The following ANKRD17 variants were observed in gnomAD, a reference collection of about 807,000 sequenced individuals.
ANKRD17 encodes the protein ankyrin repeat domain-containing protein 17.
A neutral mutation model predicts 229.7 loss-of-function variants in ANKRD17; 19 were observed. The observed-to-expected ratio is 0.08, with a 90% confidence interval of 0.06 to 0.12. The LOEUF is 0.12. ANKRD17 is among the 10% of genes least tolerant of loss of function. ANKRD17 has a pLI of 1.00. For synonymous variants in ANKRD17, 1,112 were observed against 1,146.1 expected, an observed-to-expected ratio of 0.97 and a Z score of 0.60; for missense variants, 2,176 against 3,176.8, an observed-to-expected ratio of 0.68 and a Z score of 7.57.
At chr4:73,144,428 G>A (rs1273568070) in intron 11 of ANKRD17, among the ~76,000 whole-genome samples, 2 of 152,158 alleles carry the variant, frequency 1.3e-5, no homozygotes, top group Admixed American at 1.3e-4. Flanking sequence ...TAAAATTCCA[G>A]GTTTCAAGAA....
chr4:73,171,994 G>C (rs1734100247), intron 2 of ANKRD17, among the ~76,000 whole-genome samples: 1 of 152,152 alleles, frequency 6.6e-6, no homozygotes, highest in Admixed American at 6.5e-5. Context: ...GATAGGGGTA[G>C]AAAGTTTATA....
chr4:73,253,550 C>A (rs547785322), intron 1 of ANKRD17, among the ~76,000 whole-genome samples: 10 of 152,230 alleles, frequency 6.6e-5, no homozygotes, highest in Admixed American at 2.0e-4. Context: ...GAGGAAATTG[C>A]AGTAGAGATT....
intron 3 of ANKRD17, among the ~76,000 whole-genome samples, chr4:73,157,864 C>T (rs867677888): frequency 3.4e-4 from 51 of 152,050 alleles, no homozygotes; most frequent in African/African-American, 1.2e-3. Flanking sequence ...CCGAGGCGGG[C>T]GGATCATGAG....
At chr4:73,088,567 C>G (rs1441363011) in intron 29 of ANKRD17, among the ~76,000 whole-genome samples, 1 of 152,120 alleles carries the variant, frequency 6.6e-6, no homozygotes, top group Non-Finnish European at 1.5e-5. Flanking sequence ...ATTCCAACTA[C>G]TATAAAAATC....
chr4:73,202,403 A>G (rs1364869501), intron 1 of ANKRD17, among the ~76,000 whole-genome samples: 2 of 149,094 alleles, frequency 1.3e-5, no homozygotes, highest in Non-Finnish European at 3.0e-5. Flanking sequence ...GTTTAGAGAA[A>G]TTAATGCAGC....
intron 29 of ANKRD17, among the ~76,000 whole-genome samples, chr4:73,090,089 T>C (rs1344207532): frequency 1.3e-5 from 2 of 152,110 alleles, no homozygotes; most frequent in Non-Finnish European, 2.9e-5. Flanking sequence ...CTTATTAAAT[T>C]AAAACATGAA....
chr4:73,076,532 G>C (rs1284003791), intron 33 of ANKRD17, among the ~76,000 whole-genome samples: 5 of 151,656 alleles, frequency 3.3e-5, no homozygotes, highest in Admixed American at 6.6e-5. Context: ...GGTTGTGGAA[G>C]AAAAATAAAT....
At chr4:73,096,379 G>A (rs1267674003) in intron 27 of ANKRD17, among the ~76,000 whole-genome samples, 1 of 152,152 alleles carries the variant, frequency 6.6e-6, no homozygotes, top group Non-Finnish European at 1.5e-5. Context: ...TGTGTGTATA[G>A]TGTGTGAAAA....
intron 24 of ANKRD17, among the ~76,000 whole-genome samples, chr4:73,111,217 T>C (rs1447996715): frequency 2.6e-5 from 4 of 152,156 alleles, no homozygotes; most frequent in African/African-American, 9.7e-5. Flanking sequence ...CAATGAAAGA[T>C]AAGCAACAAT....
chr4:73,077,658 A>G (rs775461196), intron 31 of ANKRD17, 125 bp from the exon 32 acceptor site: 38 of 775,578 alleles, frequency 4.9e-5, no homozygotes, highest in Non-Finnish European at 7.0e-5. Context: ...CTACTTTTAT[A>G]TATTTACAGC....
At chr4:73,246,214 T>A (rs1176327579) in intron 1 of ANKRD17, among the ~76,000 whole-genome samples, 2 of 152,178 alleles carry the variant, frequency 1.3e-5, no homozygotes. Context: ...TCACAACTCC[T>A]CCCCCGAAGG....
intron 19 of ANKRD17, 45 bp downstream of exon 19, chr4:73,121,572 C>T: frequency 1.9e-6 from 3 of 1,607,092 alleles, no homozygotes; most frequent in Non-Finnish European, 2.6e-6. Flanking sequence ...ATATCTATAA[C>T]AGTCTTACTA....
In ANKRD17 at chr4:73,102,360, T is replaced by A. The variant is rs757753358; in HGVS notation, c.4573+16A>T. ...TAGAATATAAAACAAATGGGATGGT[T>A]GTTAAGAGAAAATACCTTCAACTTT... On this transcript the variant is annotated intron_variant, in intron 25 of 33. Coordinates refer to ENST00000358602, the MANE Select transcript of ANKRD17 (RefSeq NM_032217.5). 1.3e-6 allele frequency: 2 copies of A among 1,573,410 alleles called. No homozygotes were observed. Among genetic ancestry groups the A allele is most frequent in the Admixed American group, 2.1e-5 (1 of 46,666 alleles).
intron 24 of ANKRD17, among the ~76,000 whole-genome samples, chr4:73,110,904 G>A (rs570099346): frequency 1.1e-4 from 16 of 152,176 alleles, no homozygotes; most frequent in African/African-American, 3.4e-4. Context: ...AATATACAAC[G>A]ATATTTAAAA....
At chr4:73,101,510 C>T (rs1405672882) in intron 25 of ANKRD17, among the ~76,000 whole-genome samples, 2 of 151,526 alleles carry the variant, frequency 1.3e-5, no homozygotes, top group Admixed American at 1.3e-4. Flanking sequence ...ACTAAAAATA[C>T]AAAAATTAGG....
chr4:73,115,752 G>A, intron 23 of ANKRD17, 69 bp downstream of exon 23: 3 of 1,247,192 alleles, frequency 2.4e-6, no homozygotes, highest in Non-Finnish European at 3.5e-6. Flanking sequence ...ACTCAAACTA[G>A]GAATTCTTAG....
chr4:73,133,390 T>G (rs1192802802), intron 16 of ANKRD17, among the ~76,000 whole-genome samples: 3 of 42,008 alleles, frequency 7.1e-5, no homozygotes, highest in Non-Finnish European at 1.5e-4. Flanking sequence ...ATGTCTCGTG[T>G]TTTTTTTTTT....
chr4:73,083,313 C>G (rs1721760721), intron 30 of ANKRD17, among the ~76,000 whole-genome samples: 1 of 152,068 alleles, frequency 6.6e-6, no homozygotes, highest in African/African-American at 2.4e-5. Context: ...TCATGTTAAC[C>G]TATTAGGTAT....
intron 1 of ANKRD17, among the ~76,000 whole-genome samples, chr4:73,216,176 C>T (rs991240548): frequency 1.3e-5 from 2 of 151,922 alleles, no homozygotes; most frequent in South Asian, 2.1e-4. Context: ...TAAAACAATG[C>T]CACTCTCACA....
Sources: allele counts gnomAD v4.1 joint callset (sites outside exome capture counted in the v4.1 genomes callset), GRCh38; gene constraint gnomAD v4.1.1; transcripts MANE v1.5; gene names NCBI Gene and HGNC (gene_info 2026-07-23, HGNC 2026-07-21).